Variants in SRGAP2 observed in about 807,000 individuals in gnomAD.
The protein encoded by SRGAP2 is SLIT-ROBO Rho GTPase-activating protein 2.
Under a neutral mutation model 57.2 loss-of-function variants are expected in SRGAP2, and 15 were observed. The ratio of observed to expected loss-of-function variants is 0.26; its 90% confidence interval spans 0.18 to 0.40. SRGAP2 has a LOEUF of 0.40. SRGAP2 is among the 10% of genes least tolerant of loss of function. The pLI is 1.00. For synonymous variants in SRGAP2, 249 were observed against 248.0 expected, an observed-to-expected ratio of 1.00 and a Z score of -0.04; for missense variants, 520 against 669.6, an observed-to-expected ratio of 0.78 and a Z score of 2.47.
intron 4 of SRGAP2, among the ~76,000 whole-genome samples, chr1:206,361,631 A>C (rs1422835855): frequency 0.016 from 2,315 of 148,132 alleles, 70 homozygotes; most frequent in African/African-American, 0.055. Flanking sequence ...TAAATGCAGG[A>C]CGTGTTGACT....
chr1:206,210,538 G>C (rs1486311972), intron 2 of SRGAP2, among the ~76,000 whole-genome samples: 1 of 143,592 alleles, frequency 7.0e-6, no homozygotes, highest in Non-Finnish European at 1.5e-5. Flanking sequence ...GCTTGGAACA[G>C]TTTAACCCTT....
chr1:206,437,162 G>A (rs1246650278), intron 15 of SRGAP2, 120 bp downstream of exon 15: 2 of 717,218 alleles, frequency 2.8e-6, no homozygotes, highest in Non-Finnish European at 5.2e-6. Flanking sequence ...TGTCTCTTCA[G>A]GGGGTACCTG....
intron 3 of SRGAP2, among the ~76,000 whole-genome samples, chr1:206,317,729 T>G (rs1673160145): frequency 7.1e-6 from 1 of 140,038 alleles, no homozygotes; most frequent in East Asian, 2.0e-4. Flanking sequence ...AACGAAAGAT[T>G]TAGAGAGAAT....
chr1:206,448,629 G>C (rs182062214), intron 18 of SRGAP2, among the ~76,000 whole-genome samples: 1 of 152,028 alleles, frequency 6.6e-6, no homozygotes, highest in African/African-American at 2.4e-5. Flanking sequence ...TCTGAAGATG[G>C]GGCGCTGTTT....
chr1:206,295,862 T>G (rs1671561677), intron 2 of SRGAP2, among the ~76,000 whole-genome samples: 1 of 152,020 alleles, frequency 6.6e-6, no homozygotes, highest in South Asian at 2.1e-4. Context: ...CAAGGCAAAG[T>G]GGTTTTTTTG....
intron 2 of SRGAP2, among the ~76,000 whole-genome samples, chr1:206,218,215 A>T: frequency 6.6e-6 from 1 of 151,778 alleles, no homozygotes; most frequent in East Asian, 1.9e-4. Context: ...TGGGAGCCTG[A>T]GGCAGGAGAA....
intron 2 of SRGAP2, among the ~76,000 whole-genome samples, chr1:206,241,911 C>CGTGTGTGTGT (rs781785493): frequency 9.6e-5 from 10 of 104,628 alleles, no homozygotes; most frequent in African/African-American, 1.3e-4. Flanking sequence ...GAGGTGTTTG[C>CGTGTGTGTGT]GTGTGTGTGT....
chr1:206,394,364 G>A (rs1553352688), intron 7 of SRGAP2, among the ~76,000 whole-genome samples: 1 of 152,162 alleles, frequency 6.6e-6, no homozygotes, highest in Non-Finnish European at 1.5e-5. Context: ...CCCGACCTAG[G>A]AAATACTTTA....
rs1445876473 is a variant in SRGAP2, at chr1:206,241,911, C to CAT, written c.67+35874_67+35875insAT. On this transcript the variant is annotated intron_variant, in intron 2 of 22. Transcript: ENST00000573034. ...ATTTTTTAATGCTGGGAGGTGTTTG[C>CAT]GTGTGTGTGTGTGTGTGTGTGTGTG... Among the ~76,000 whole-genome samples, 11 of 104,628 alleles carry CAT rather than the reference C, an allele frequency of 1.1e-4. No individual in the cohort carries two copies. In the South Asian group the frequency reaches 3.7e-3, roughly 35 times the overall value. The allele number at this position is 104,628 out of a possible 152,430, so 68.6% of individuals were successfully genotyped here.
chr1:206,319,675 G>GA (rs1440519930), intron 3 of SRGAP2, among the ~76,000 whole-genome samples: 1 of 137,290 alleles, frequency 7.3e-6, no homozygotes, highest in Non-Finnish European at 1.5e-5. Context: ...TACATCAGAT[G>GA]AAAAAAAGCG....
At chr1:206,326,426 A>C (rs1673888639) in intron 3 of SRGAP2, among the ~76,000 whole-genome samples, 1 of 152,172 alleles carries the variant, frequency 6.6e-6, no homozygotes, top group African/African-American at 2.4e-5. Flanking sequence ...CTCTGGGTTC[A>C]TGGACCCTTG....
chr1:206,421,779 G>C lies in SRGAP2; in HGVS notation c.1494+505G>C, dbSNP rs995206820. Among the ~76,000 whole-genome samples, 3 of 152,166 alleles carry C rather than the reference G, an allele frequency of 2.0e-5. No individual in the cohort carries two copies. In the South Asian group the frequency reaches 6.2e-4, roughly 31 times the overall value. Reference sequence around the variant, plus strand: ...GGTCTAGGAACGATAGGCAAGGGCCGTTCAACTCTGCAATTTGGTGCATGA... The same window carrying C: ...GGTCTAGGAACGATAGGCAAGGGCCCTTCAACTCTGCAATTTGGTGCATGA... On this transcript the variant is annotated intron_variant, in intron 13 of 22. Coordinates refer to ENST00000573034, the MANE Select transcript of SRGAP2 (RefSeq NM_015326.5).
intron 22 of SRGAP2, among the ~76,000 whole-genome samples, chr1:206,460,127 C>T (rs1664143184): frequency 6.6e-6 from 1 of 152,206 alleles, no homozygotes; most frequent in Non-Finnish European, 1.5e-5. Flanking sequence ...GACAAAGAAA[C>T]CTTAACCAAA....
intron 13 of SRGAP2, among the ~76,000 whole-genome samples, chr1:206,428,989 C>G (rs952065328): frequency 3.9e-5 from 6 of 152,126 alleles, no homozygotes; most frequent in Non-Finnish European, 8.8e-5. Context: ...ATAATATGTA[C>G]TCCATAGGAT....
intron 11 of SRGAP2, among the ~76,000 whole-genome samples, chr1:206,418,800 T>C (rs1415191583): frequency 6.6e-6 from 1 of 151,972 alleles, no homozygotes; most frequent in Non-Finnish European, 1.5e-5. Flanking sequence ...ACAGGAGAAT[T>C]TACTATGAAT....
chr1:206,332,718 T>C (rs1553332298), intron 3 of SRGAP2, among the ~76,000 whole-genome samples: 2 of 150,786 alleles, frequency 1.3e-5, no homozygotes, highest in African/African-American at 5.0e-5. Flanking sequence ...TTCTAAATTT[T>C]TTTCAAAGTT....
intron 14 of SRGAP2, among the ~76,000 whole-genome samples, chr1:206,435,234 T>G (rs1436458476): frequency 6.6e-6 from 1 of 152,216 alleles, no homozygotes; most frequent in Admixed American, 6.5e-5. Flanking sequence ...GTGGTTTACC[T>G]CCAAAGGTCT....
intron 2 of SRGAP2, among the ~76,000 whole-genome samples, chr1:206,228,902 G>A (rs1424494804): frequency 6.7e-6 from 1 of 149,934 alleles, no homozygotes; most frequent in Admixed American, 6.6e-5. Flanking sequence ...ATCTTGTTGG[G>A]GTGTGTTAGA....
At chr1:206,205,046 A>C (rs1398473708) in intron 1 of SRGAP2, 1 of 151,882 alleles carries the variant, frequency 6.6e-6, no homozygotes, top group Non-Finnish European at 1.5e-5. Flanking sequence ...TTTGATGTAC[A>C]GGGAGGTGCC....
Sources: allele counts gnomAD v4.1 joint callset (sites outside exome capture counted in the v4.1 genomes callset), GRCh38; gene constraint gnomAD v4.1.1; transcripts MANE v1.5; gene names NCBI Gene and HGNC (gene_info 2026-07-23, HGNC 2026-07-21).